The following NCAM1 variants were observed in gnomAD, a reference collection of about 807,000 sequenced individuals.
NCAM1 encodes neural cell adhesion molecule 1.
A neutral mutation model predicts 109.8 loss-of-function variants in NCAM1; 14 were observed. That is an observed-to-expected ratio of 0.13 (90% confidence interval 0.08 to 0.20). The LOEUF (loss-of-function observed/expected upper bound fraction) is 0.20. Ranked by LOEUF, NCAM1 falls within the 10% of genes least tolerant of loss-of-function variation. The probability of loss-of-function intolerance (pLI) is 1.00; values close to 1 mark genes in which losing one functional copy is unlikely to be tolerated. For missense variants in NCAM1, 774 were observed against 1,109.9 expected, an observed-to-expected ratio of 0.70 and a Z score of 4.30; for synonymous variants, 418 against 442.9, an observed-to-expected ratio of 0.94 and a Z score of 0.70.
At chr11:113,067,956 G>A in intron 1 of NCAM1, among the ~76,000 whole-genome samples, 1 of 146,324 alleles carries the variant, frequency 6.8e-6, no homozygotes. Context: ...TGTCACCCAG[G>A]CTGAAGTGCA....
intron 1 of NCAM1, among the ~76,000 whole-genome samples, chr11:113,097,626 C>G (rs1278307837): frequency 7.3e-6 from 1 of 136,616 alleles, no homozygotes; most frequent in East Asian, 2.3e-4. Context: ...TTTTTTTTAA[C>G]TCTTTGTTCT....
chr11:113,078,478 A>G (rs1230106961), intron 1 of NCAM1, among the ~76,000 whole-genome samples: 1 of 152,086 alleles, frequency 6.6e-6, no homozygotes, highest in Non-Finnish European at 1.5e-5. Context: ...CACCAGCTAC[A>G]GGATGCTTGC....
At chr11:113,255,324 T>G (rs940086516) in intron 15 of NCAM1, among the ~76,000 whole-genome samples, 1 of 152,122 alleles carries the variant, frequency 6.6e-6, no homozygotes, top group Non-Finnish European at 1.5e-5. Context: ...CGAATCTAAG[T>G]AATAAAATGT....
chr11:113,165,701 G>T (rs1474374992), intron 1 of NCAM1, among the ~76,000 whole-genome samples: 1 of 152,106 alleles, frequency 6.6e-6, no homozygotes, highest in Non-Finnish European at 1.5e-5. Context: ...GAAGGCTCTG[G>T]CTGTCTGTAC....
At position 113,094,360 on chromosome 11, in the gene NCAM1, T is replaced by G. The variant is rs540153273; in HGVS notation, c.53-108019T>G. On this transcript the variant is annotated intron_variant, in intron 1 of 19. Coordinates refer to ENST00000316851, the MANE Select transcript of NCAM1 (RefSeq NM_181351.5). ...TCAGAATCACTGTAGAGATGATGGG[T>G]TTTGTGTTTTTGAATAGGCAGCTTT... 7.2e-5 allele frequency among the ~76,000 whole-genome samples: 11 copies of G among 152,146 alleles called. No homozygotes were observed. The East Asian group carries it at 1.4e-3, about 19-fold the overall frequency.
rs528332410 is a variant in NCAM1 at position 113,105,592 on chromosome 11, G to A, written c.53-96787G>A. ...AATATCATTATTCAGGCATAAAAAG[G>A]AATGAAGTACAGATATCTTGCTACA... On this transcript the variant is annotated intron_variant, in intron 1 of 19. Coordinates refer to ENST00000316851, the MANE Select transcript of NCAM1 (RefSeq NM_181351.5). Among the ~76,000 whole-genome samples, 6 of 152,240 alleles carry A rather than the reference G, an allele frequency of 3.9e-5. No homozygotes were observed. The South Asian group carries it at 1.2e-3, about 32-fold the overall frequency.
intron 1 of NCAM1, among the ~76,000 whole-genome samples, chr11:113,012,730 G>A (rs546818340): frequency 1.4e-4 from 21 of 152,222 alleles, no homozygotes; most frequent in African/African-American, 4.8e-4. Flanking sequence ...TTATAAGGAC[G>A]CCAGTCATTG....
chr11:113,221,259 T>A (rs1944684940), intron 8 of NCAM1, 37 bp from the exon 9 acceptor site: 2 of 1,552,172 alleles, frequency 1.3e-6, no homozygotes, highest in Non-Finnish European at 1.7e-6. Context: ...AAAATTTTAC[T>A]GCTTTCTTGT....
At chr11:113,153,455 A>AGT (rs368121001) in intron 1 of NCAM1, among the ~76,000 whole-genome samples, 1,581 of 127,270 alleles carry the variant, frequency 0.012, 21 homozygotes, top group African/African-American at 0.055. Context: ...ACAGAGAGTG[A>AGT]GAGAGAGAGA....
intron 17 of NCAM1, among the ~76,000 whole-genome samples, chr11:113,267,687 C>T (rs368726334): frequency 1.6e-4 from 25 of 152,204 alleles, no homozygotes; most frequent in African/African-American, 4.6e-4. Flanking sequence ...ATTTTATATT[C>T]AAATGAAAGG....
At chr11:113,127,719 T>G (rs748402711) in intron 1 of NCAM1, among the ~76,000 whole-genome samples, 3 of 152,218 alleles carry the variant, frequency 2.0e-5, no homozygotes, top group Non-Finnish European at 4.4e-5. Flanking sequence ...AAAGCTTAAG[T>G]GATTAGTGCC....
intron 1 of NCAM1, among the ~76,000 whole-genome samples, chr11:113,142,433 C>T (rs574635667): frequency 1.3e-5 from 2 of 152,284 alleles, no homozygotes; most frequent in East Asian, 1.9e-4. Flanking sequence ...TAACACTTTA[C>T]CCCCTTTTGA....
At chr11:113,090,743 A>C (rs1939306547) in intron 1 of NCAM1, among the ~76,000 whole-genome samples, 1 of 152,248 alleles carries the variant, frequency 6.6e-6, no homozygotes, top group African/African-American at 2.4e-5. Flanking sequence ...GTAGAAACTT[A>C]AATTATCCCA....
intron 1 of NCAM1, among the ~76,000 whole-genome samples, chr11:113,174,156 CT>C (rs781908352): frequency 6.6e-5 from 10 of 152,126 alleles, no homozygotes; most frequent in Non-Finnish European, 1.3e-4. Context: ...TATATATCCC[CT>C]CCTGAAGATT....
intron 1 of NCAM1, among the ~76,000 whole-genome samples, chr11:112,990,604 G>T (rs1311450787): frequency 6.6e-6 from 1 of 152,210 alleles, no homozygotes; most frequent in Non-Finnish European, 1.5e-5. Context: ...AGGGACTGAA[G>T]CCAAGTCTCT....
chr11:113,081,906 C>G (rs17114770), intron 1 of NCAM1, among the ~76,000 whole-genome samples: 8,006 of 152,174 alleles, frequency 0.053, 587 homozygotes, highest in Admixed American at 0.17. Context: ...TCCAATAACG[C>G]CTTTACTATC....
At position 112,969,643 on chromosome 11, in the gene NCAM1, T is replaced by C. The variant is rs144988701; in HGVS notation, c.52+7979T>C. Among the ~76,000 whole-genome samples the C allele has an allele frequency of 2.7e-3, 406 of 152,212 alleles. 6 individuals carry two copies. The highest frequency in any genetic ancestry group is 9.4e-3 in the African/African-American group (389 of 41,542). ...TGGTGAGCTGAAATAAAACCACATA[T>C]GTAAAGCAGATATAAAGTATGTACT... On this transcript the variant is annotated intron_variant, in intron 1 of 19. Coordinates refer to ENST00000316851, the MANE Select transcript of NCAM1 (RefSeq NM_181351.5).
chr11:113,213,160 G>A (rs1481999593), intron 7 of NCAM1, among the ~76,000 whole-genome samples: 6 of 152,174 alleles, frequency 3.9e-5, no homozygotes, highest in African/African-American at 1.4e-4. Flanking sequence ...TGCCTACTTA[G>A]GGTTACTGTA....
At chr11:113,055,411 C>T (rs536446930) in intron 1 of NCAM1, among the ~76,000 whole-genome samples, 2 of 152,172 alleles carry the variant, frequency 1.3e-5, no homozygotes, top group African/African-American at 4.8e-5. Flanking sequence ...GTATTTGCAC[C>T]CAAACCCTGA....
Sources: gnomAD v4.1 joint callset for allele counts (sites outside exome capture counted in the v4.1 genomes callset) on GRCh38, gnomAD v4.1.1 for gene constraint, MANE v1.5 for transcripts, NCBI Gene and HGNC (gene_info 2026-07-23, HGNC 2026-07-21) for gene names.